CTAG2: variants seen among roughly 807,000 people sequenced by gnomAD.
The protein encoded by CTAG2 is CTL-recognized antigen on melanoma.
A neutral mutation model predicts 5.7 loss-of-function variants in CTAG2; 5 were observed. That is an observed-to-expected ratio of 0.88 (90% CI 0.46 to 1.85). The LOEUF (loss-of-function observed/expected upper bound fraction) is 1.85. Ranked by LOEUF, CTAG2 falls within the 40% of genes most tolerant of loss-of-function variation. CTAG2 has a pLI of 0.01. For synonymous variants in CTAG2, 63 were observed against 80.9 expected (o/e 0.78, Z 1.19); for missense variants, 151 against 169.9 (o/e 0.89, Z 0.62).
rs782419037 is a variant in CTAG2, at chrX:154,653,393, G to A, written c.123C>T (p.Gly41=). The change falls in exon 1 of 3, where the codon GGC becomes GGT. Residue 41 remains glycine (G), a synonymous_variant. Coordinates refer to ENST00000369585, the MANE Select transcript of CTAG2 (RefSeq NM_172377.5). ...CCCCTGCGCCCCGGGGACCTCTGCC[G>A]CCCGTGGCACCCGCCTCTCCTGGGC... The part of the protein sequence containing the change: ...AGGPGEAGAT[G]GRGPRGAGAA... 8.3e-5 allele frequency: 95 copies of A among 1,147,887 alleles called. No individual in the cohort carries two copies. Among genetic ancestry groups the A allele is most frequent in the Non-Finnish European group, 1.0e-4 (89 of 866,363 alleles). The allele number at this position is 1,147,887 out of a possible 1,213,427, so 94.6% of individuals were successfully genotyped here. A position where few individuals can be genotyped will look rare whatever the true frequency, so the allele number is the denominator to read the frequency against.
chrX:154,652,714 T>C, intron 1 of CTAG2, 83 bp from the exon 2 acceptor site: 3 of 1,057,900 alleles, frequency 2.8e-6, no homozygotes, highest in Non-Finnish European at 3.8e-6. Context: ...CCCCACGCAC[T>C]GGCCCAGGTC....
intron 1 of CTAG2, among the ~76,000 whole-genome samples, chrX:154,652,893 C>A (rs782462080): frequency 9.3e-6 from 1 of 107,441 alleles, no homozygotes; most frequent in South Asian, 4.2e-4. Context: ...CCCCAGCCAC[C>A]GGCTCCCACC....
In CTAG2 at chrX:154,653,399, G is replaced by C; in HGVS notation, c.117C>G (p.Ala39=). 1.7e-6 allele frequency: 2 copies of C among 1,144,655 alleles called. No individual in the cohort carries two copies. The highest frequency in any genetic ancestry group is 3.7e-5 in the African/African-American group (2 of 54,668). The allele number at this position is 1,144,655 out of a possible 1,213,427, so 94.3% of individuals were successfully genotyped here. Residue 39 remains alanine, a synonymous_variant, in exon 1 of 3, where the codon GCC becomes GCG. Transcript: ENST00000369585. ...CGCCCCGGGGACCTCTGCCGCCCGT[G>C]GCACCCGCCTCTCCTGGGCCGCCAG... is the stretch of plus-strand genomic sequence containing the variant. ...GNAGGPGEAG[A]TGGRGPRGAG...
At position 154,652,609 on chromosome X, in the gene CTAG2, A is replaced by G; in HGVS notation, c.292T>C (p.Ser98Pro). 2.5e-6 allele frequency: 3 copies of G among 1,202,124 alleles called. No homozygotes were observed. Among genetic ancestry groups the G allele is most frequent in the Non-Finnish European group, 3.4e-6 (3 of 889,771 alleles). The change falls in exon 2 of 3, where the codon TCG becomes CCG. Residue 98 changes from serine (S) to proline (P), a missense_variant. Physicochemically the swap from Ser to Pro is moderately conservative, Grantham distance 74. This residue lies in a region of CTAG2 where 147 missense variants were observed against 151.0 expected (regional missense o/e 0.97). Coordinates refer to ENST00000369585, the MANE Select transcript of CTAG2 (RefSeq NM_172377.5). ...LELHITMPFS[S>P]PMEAELVRRI... ...CGGACCAGCTCCGCTTCCATGGGCG[A>G]CGAGAAAGGCATCGTGATGTGCCTG...
At chrX:154,652,740 C>T in intron 1 of CTAG2, 109 bp from the exon 2 acceptor site, 2 of 925,876 alleles carry the variant, frequency 2.2e-6, no homozygotes, top group South Asian at 5.0e-5. Flanking sequence ...GCAACCCCAC[C>T]CAGCTGTCTT....
chrX:154,653,318 G>T lies in CTAG2; in HGVS notation c.198C>A (p.Gly66=). 2 of 1,207,792 alleles carry T rather than the reference G, an allele frequency of 1.7e-6. No individual in the cohort carries two copies. Among genetic ancestry groups the T allele is most frequent in the Non-Finnish European group, 1.1e-6 (1 of 893,845 alleles). ...TTCCATCCTGCGCAGAAGCGGCACC[G>T]CCATGCGGACCCCGCGGGGCGCCTC... ...PRGGAPRGPH[G]GAASAQDGRC... is the part of the protein sequence containing the mutation. Residue 66 remains glycine (G), a synonymous_variant, in exon 1 of 3, where the codon GGC becomes GGA. Transcript: ENST00000369585.
chrX:154,652,380 T>G (rs782186886), intron 2 of CTAG2, 113 bp from the exon 3 acceptor site: 3 of 1,209,863 alleles, frequency 2.5e-6, no homozygotes, highest in South Asian at 3.5e-5. Flanking sequence ...TTCTGAGACC[T>G]TGTGTTTGGG....
At chrX:154,652,475 C>T (rs2070159989) in intron 2 of CTAG2, 22 bp downstream of exon 2, 2 of 1,211,437 alleles carry the variant, frequency 1.7e-6, no homozygotes, top group East Asian at 3.0e-5. Context: ...CAGCGCCTTC[C>T]CTGTCCTGGT....
chrX:154,652,332 C>T, intron 2 of CTAG2, 65 bp from the exon 3 acceptor site: 1 of 1,211,162 alleles, frequency 8.3e-7, no homozygotes, highest in Admixed American at 2.2e-5. Context: ...TCCCTGGGCT[C>T]CCTCGGGTGG....
At position 154,652,519 on chromosome X, in the gene CTAG2, C is replaced by T. The variant is rs782415159; in HGVS notation, c.382G>A (p.Val128Met). 8 of 1,209,294 alleles carry T rather than the reference C, an allele frequency of 6.6e-6. No individual in the cohort carries two copies. The highest frequency in any genetic ancestry group is 2.3e-4 in the Middle Eastern group (1 of 4,374). Residue 128 changes from valine to methionine, a missense_variant, in exon 2 of 3, where the codon GTG (valine) becomes ATG (methionine). Val to Met is a conservative substitution (Grantham distance 21). This residue lies in a region of CTAG2 where 147 missense variants were observed against 151.0 expected (regional missense o/e 0.97). Coordinates refer to ENST00000369585, the MANE Select transcript of CTAG2 (RefSeq NM_172377.5). ...GACATAAACAGTAGGTTGCCGGACA[C>T]GGTGAAGTCCTTCAGAACCGCCCCT... ...RPGAVLKDFTVSGNLLFIRLT... is the reference protein window; with the variant it reads ...RPGAVLKDFTMSGNLLFIRLT...
At position 154,653,324 on chromosome X, in the gene CTAG2, C is replaced by T. The variant is rs781964938; in HGVS notation, c.192G>A (p.Pro64=). The T allele has an allele frequency of 2.5e-5, 30 of 1,203,946 alleles. No homozygotes were observed. The highest frequency in any genetic ancestry group is 1.4e-4 in the South Asian group (8 of 56,276). ...CCTGCGCAGAAGCGGCACCGCCATG[C>T]GGACCCCGCGGGGCGCCTCCTCTCG... ...SGPRGGAPRG[P]HGGAASAQDG... is the part of the protein sequence containing the mutation. The change falls in exon 1 of 3, where the codon CCG becomes CCA. Residue 64 remains proline, a synonymous_variant. Transcript: ENST00000369585.
chrX:154,653,106 T>A, intron 1 of CTAG2, 141 bp downstream of exon 1: 1 of 43,712 alleles, frequency 2.3e-5, no homozygotes, highest in Non-Finnish European at 4.2e-5. Flanking sequence ...CTTACCCCCA[T>A]CTCCCAAACC....
Position 154,653,558 on chromosome X carries a change from C to A in CTAG2, c.-43G>T. On this transcript the variant is annotated 5_prime_UTR_variant, in exon 1 of 3. Transcript: ENST00000369585. Reference sequence around the variant, plus strand: ...CCGGCTCTCAGAGAGAAGGTCAGGGCCCACGAGGATGCGGAGGCAGAGAGG... The same window carrying A: ...CCGGCTCTCAGAGAGAAGGTCAGGGACCACGAGGATGCGGAGGCAGAGAGG... 1.1e-6 allele frequency: 1 copy of A among 929,421 alleles called. No homozygotes were observed. Among genetic ancestry groups the A allele is most frequent in the Non-Finnish European group, 1.4e-6 (1 of 708,606 alleles). The allele number at this position is 929,421 out of a possible 1,213,427, so 76.6% of individuals were successfully genotyped here.
chrX:154,652,647 T>C lies in CTAG2; in HGVS notation c.270-16A>G. On this transcript the variant is annotated splice_polypyrimidine_tract_variant and intron_variant, in intron 1 of 2. Coordinates refer to ENST00000369585, the MANE Select transcript of CTAG2 (RefSeq NM_172377.5). ...CGTGATGTGCCTGGTGGGGACCCAG[T>C]TAAGGTGCCATCTCCTAGGATTTGG... is the stretch of plus-strand genomic sequence containing the variant. 1 of 1,181,714 alleles carries C rather than the reference T, an allele frequency of 8.5e-7. No individual in the cohort carries two copies.
At chrX:154,652,962 T>A (rs1291171886) in intron 1 of CTAG2, among the ~76,000 whole-genome samples, 14 of 99,881 alleles carry the variant, frequency 1.4e-4, no homozygotes, top group Non-Finnish European at 2.8e-4. Context: ...CTGTCTCCTG[T>A]CCCCCTGCCC....
chrX:154,653,205 C>A (rs200762300), intron 1 of CTAG2, 42 bp downstream of exon 1: 1 of 1,188,677 alleles, frequency 8.4e-7, no homozygotes, highest in Non-Finnish European at 1.1e-6. Flanking sequence ...ACGGCCCCCA[C>A]CTCGCCACCA....
intron 1 of CTAG2, 131 bp from the exon 2 acceptor site, chrX:154,652,762 T>C: frequency 1.3e-6 from 1 of 774,533 alleles, no homozygotes; most frequent in Non-Finnish European, 1.8e-6. Flanking sequence ...ATTCCCCACT[T>C]TCCTCTGTTG....
Position 154,652,343 on chromosome X carries a change from C to T in CTAG2, c.405-76G>A, listed in dbSNP as rs782347991. On this transcript the variant is annotated intron_variant, in intron 2 of 2. Coordinates refer to ENST00000369585, the MANE Select transcript of CTAG2 (RefSeq NM_172377.5). Reference sequence around the variant, plus strand: ...CATCTCCCTGGGCTCCCTCGGGTGGCGGCGGGCCTGGTGTACCAGGTCTCT... The same window carrying T: ...CATCTCCCTGGGCTCCCTCGGGTGGTGGCGGGCCTGGTGTACCAGGTCTCT... The T allele has an allele frequency of 3.2e-5, 39 of 1,209,295 alleles. No homozygotes were observed. In the South Asian group the frequency reaches 5.8e-4, roughly 18 times the overall value.
rs2070155624 is a variant in CTAG2 at position 154,652,179 on chromosome X, A to C, written c.493T>G (p.Cys165Gly). 2.5e-6 allele frequency: 3 copies of C among 1,207,573 alleles called. No homozygotes were observed. The highest frequency in any genetic ancestry group is 3.5e-5 in the African/African-American group (2 of 57,124). ...TGAGCCAAAAACACGGGCAGAAAGCACTGCGTGATCCACATCAACAGGGAA... is the reference window on the plus strand; with the variant it reads ...TGAGCCAAAAACACGGGCAGAAAGCCCTGCGTGATCCACATCAACAGGGAA... The part of the protein sequence containing the change: ...QLSLLMWITQ[C>G]FLPVFLAQAP... The change falls in exon 3 of 3, where the codon TGC becomes GGC. Residue 165 changes from cysteine (C) to glycine (G), a missense_variant. Physicochemically the swap from Cys to Gly is radical, Grantham distance 159 (BLOSUM62 -3). Transcript: ENST00000369585.
Sources: gnomAD v4.1 joint callset for allele counts (sites outside exome capture counted in the v4.1 genomes callset) on GRCh38, gnomAD v4.1.1 for gene constraint, gnomAD v4.1.1 regional missense constraint, MANE v1.5 for transcripts, NCBI Gene and HGNC (gene_info 2026-07-23, HGNC 2026-07-21) for gene names.